The following NKAIN2 variants were observed in gnomAD, a reference collection of about 807,000 sequenced individuals.
NKAIN2 encodes the protein sodium/potassium transporting ATPase interacting 2, also known as sodium/potassium-transporting ATPase subunit beta-1-interacting protein 2.
NKAIN2 carries 14 observed loss-of-function variants against 32.6 expected under a neutral mutation model. That is an observed-to-expected ratio of 0.43 (90% CI 0.28 to 0.67). The LOEUF is 0.67. NKAIN2 is among the 30% of genes least tolerant of loss of function. NKAIN2 has a pLI of 0.17. For missense variants in NKAIN2, 198 were observed against 258.3 expected, an observed-to-expected ratio of 0.77 and a Z score of 1.60; for synonymous variants, 80 against 87.2, an observed-to-expected ratio of 0.92 and a Z score of 0.46.
intron 1 of NKAIN2, among the ~76,000 whole-genome samples, chr6:123,807,959 ACTTTCT>A (rs1358547003): frequency 1.3e-5 from 2 of 152,180 alleles, no homozygotes; most frequent in Admixed American, 1.3e-4. Flanking sequence ...ATGATCAGTT[ACTTTCT>A]ATCACAGGAT....
chr6:124,500,459 G>C (rs1778243028), intron 3 of NKAIN2, among the ~76,000 whole-genome samples: 1 of 151,974 alleles, frequency 6.6e-6, no homozygotes, highest in Non-Finnish European at 1.5e-5. Flanking sequence ...GACTAGCCTG[G>C]CCAACATGGT....
intron 1 of NKAIN2, among the ~76,000 whole-genome samples, chr6:123,908,641 T>C (rs935388795): frequency 5.9e-5 from 9 of 152,184 alleles, no homozygotes; most frequent in Non-Finnish European, 1.0e-4. Context: ...AAATACATTT[T>C]AAAAGGACAT....
intron 2 of NKAIN2, among the ~76,000 whole-genome samples, chr6:124,283,879 A>G (rs1795425120): frequency 6.6e-6 from 1 of 152,032 alleles, no homozygotes; most frequent in Non-Finnish European, 1.5e-5. Context: ...GTCTATAGGC[A>G]TTTATTTAAA....
At chr6:123,935,984 G>T (rs1455564756) in intron 1 of NKAIN2, among the ~76,000 whole-genome samples, 1 of 152,134 alleles carries the variant, frequency 6.6e-6, no homozygotes, top group East Asian at 1.9e-4. Context: ...TTGCTGTGGT[G>T]TTTCATGACA....
chr6:123,971,725 C>A (rs1407952770), intron 1 of NKAIN2, among the ~76,000 whole-genome samples: 1 of 152,150 alleles, frequency 6.6e-6, no homozygotes, highest in East Asian at 1.9e-4. Context: ...CTGTCTTCTG[C>A]TCTTAGTTAG....
At chr6:124,123,589 G>C (rs61477079) in intron 1 of NKAIN2, among the ~76,000 whole-genome samples, 10,642 of 151,962 alleles carry the variant, frequency 0.07, 701 homozygotes, top group African/African-American at 0.17. Flanking sequence ...TCAGAGATTT[G>C]TATCAGTCAT....
intron 4 of NKAIN2, among the ~76,000 whole-genome samples, chr6:124,730,777 T>A (rs1390354901): frequency 6.6e-6 from 1 of 151,842 alleles, no homozygotes; most frequent in South Asian, 2.1e-4. Flanking sequence ...ACAGGCAACC[T>A]ACACAATGGG....
At chr6:123,914,245 G>C (rs200317350) in intron 1 of NKAIN2, among the ~76,000 whole-genome samples, 2 of 151,736 alleles carry the variant, frequency 1.3e-5, no homozygotes, top group Non-Finnish European at 2.9e-5. Flanking sequence ...GACAGACAGA[G>C]AGACAGAGAC....
chr6:124,360,310 T>C (rs374201969), intron 3 of NKAIN2, among the ~76,000 whole-genome samples: 3 of 152,156 alleles, frequency 2.0e-5, no homozygotes, highest in East Asian at 1.9e-4. Context: ...GAGGATTCCC[T>C]CTTTTTCTAT....
chr6:124,182,989 T>G (rs1289654366), intron 1 of NKAIN2, among the ~76,000 whole-genome samples: 1 of 152,128 alleles, frequency 6.6e-6, no homozygotes, highest in African/African-American at 2.4e-5. Flanking sequence ...GTTAAATATG[T>G]GAAAGATGTA....
intron 1 of NKAIN2, among the ~76,000 whole-genome samples, chr6:124,019,854 C>A (rs1167702679): frequency 6.6e-6 from 1 of 152,026 alleles, no homozygotes. Flanking sequence ...TCCATTATAA[C>A]TAAACACTTA....
At chr6:124,679,785 A>T (rs1272498055) in intron 4 of NKAIN2, among the ~76,000 whole-genome samples, 1 of 152,172 alleles carries the variant, frequency 6.6e-6, no homozygotes, top group Non-Finnish European at 1.5e-5. Context: ...AGTAAATATT[A>T]GTTGTTTTGT....
intron 1 of NKAIN2, among the ~76,000 whole-genome samples, chr6:124,049,766 T>C (rs569109504): frequency 1.3e-5 from 2 of 152,118 alleles, no homozygotes; most frequent in South Asian, 2.1e-4. Flanking sequence ...ATTAGCCACA[T>C]AGTCGCTGCT....
chr6:124,487,001 C>T (rs552082157), intron 3 of NKAIN2, among the ~76,000 whole-genome samples: 3 of 152,248 alleles, frequency 2.0e-5, no homozygotes, highest in South Asian at 2.1e-4. Context: ...TTAAAAGATT[C>T]ACCAGGCACC....
chr6:124,775,337 G>A (rs541794074), intron 4 of NKAIN2, among the ~76,000 whole-genome samples: 1 of 152,246 alleles, frequency 6.6e-6, no homozygotes, highest in Admixed American at 6.5e-5. Flanking sequence ...GCTTTCTTGG[G>A]ATGAAGCCAG....
At chr6:124,666,159 T>C (rs1309153027) in intron 4 of NKAIN2, among the ~76,000 whole-genome samples, 3 of 152,192 alleles carry the variant, frequency 2.0e-5, no homozygotes, top group African/African-American at 7.2e-5. Flanking sequence ...TGTCAAAAGA[T>C]AGTAATCCAG....
At chr6:124,688,094 T>A (rs1477445842) in intron 4 of NKAIN2, among the ~76,000 whole-genome samples, 1 of 152,034 alleles carries the variant, frequency 6.6e-6, no homozygotes, top group African/African-American at 2.4e-5. Flanking sequence ...ATTTCTAATC[T>A]CCCAAATTTG....
intron 3 of NKAIN2, among the ~76,000 whole-genome samples, chr6:124,518,126 A>G (rs1237339087): frequency 6.6e-6 from 1 of 152,066 alleles, no homozygotes; most frequent in Non-Finnish European, 1.5e-5. Context: ...TAAAAAAAGG[A>G]AGAATTTATT....
intron 1 of NKAIN2, among the ~76,000 whole-genome samples, chr6:123,825,373 T>C (rs1774104119): frequency 6.6e-6 from 1 of 152,180 alleles, no homozygotes; most frequent in African/African-American, 2.4e-5. Flanking sequence ...AAGGTGTTTC[T>C]AGCTTAAGTT....
Sources: allele counts gnomAD v4.1 joint callset (sites outside exome capture counted in the v4.1 genomes callset), GRCh38; gene constraint gnomAD v4.1.1; transcripts MANE v1.5; gene names NCBI Gene and HGNC (gene_info 2026-07-23, HGNC 2026-07-21).